The following CCDC25 variants were observed in gnomAD, a reference collection of about 807,000 sequenced individuals.
CCDC25 encodes the protein coiled-coil domain containing 25.
Under a neutral mutation model 35.3 loss-of-function variants are expected in CCDC25, and 16 were observed. That is an observed-to-expected ratio of 0.45 (90% CI 0.31 to 0.69). The LOEUF is 0.69. CCDC25 is among the 30% of genes least tolerant of loss of function. The pLI is 0.06. For synonymous variants in CCDC25, 79 were observed against 80.3 expected, an observed-to-expected ratio of 0.98 and a Z score of 0.09; for missense variants, 179 against 250.7, an observed-to-expected ratio of 0.71 and a Z score of 1.93.
At chr8:27,760,005 A>C (rs1804169064) in intron 3 of CCDC25, among the ~76,000 whole-genome samples, 1 of 152,138 alleles carries the variant, frequency 6.6e-6, no homozygotes, top group Non-Finnish European at 1.5e-5. Flanking sequence ...GAATATGTCC[A>C]AAATTGACAG....
chr8:27,750,868 G>A (rs770106854), intron 5 of CCDC25, among the ~76,000 whole-genome samples: 2 of 152,208 alleles, frequency 1.3e-5, no homozygotes, highest in Non-Finnish European at 2.9e-5. Flanking sequence ...CCTTGGTTCT[G>A]AGCACTGCAG....
chr8:27,757,815 G>C (rs1479856840), intron 3 of CCDC25, among the ~76,000 whole-genome samples: 1 of 152,184 alleles, frequency 6.6e-6, no homozygotes, highest in Non-Finnish European at 1.5e-5. Context: ...AGTGGGGCCT[G>C]GTGGGAGGTG....
intron 5 of CCDC25, 93 bp downstream of exon 5, chr8:27,752,419 G>T: frequency 1.0e-6 from 1 of 958,690 alleles, no homozygotes. Flanking sequence ...TTTGATGGAG[G>T]CCAAAGTCAA....
At chr8:27,772,157 C>T (rs1233646104) in intron 1 of CCDC25, 6 of 380,396 alleles carry the variant, frequency 1.6e-5, no homozygotes, top group African/African-American at 2.1e-5. Flanking sequence ...AGAACAAAGG[C>T]CGCAGATGGA....
intron 4 of CCDC25, among the ~76,000 whole-genome samples, chr8:27,755,728 CT>C (rs1368699670): frequency 6.6e-6 from 1 of 152,204 alleles, no homozygotes; most frequent in Non-Finnish European, 1.5e-5. Flanking sequence ...GGCACTTCAC[CT>C]CTGTGATATT....
intron 7 of CCDC25, among the ~76,000 whole-genome samples, chr8:27,746,152 T>C (rs574620563): frequency 6.6e-6 from 1 of 152,366 alleles, no homozygotes; most frequent in African/African-American, 2.4e-5. Context: ...ACTTGATTGA[T>C]TTATATTGAA....
At position 27,740,531 on chromosome 8, in the gene CCDC25, A is replaced by AAC. The variant is rs773289794; in HGVS notation, c.552-16_552-15dup. 6 of 1,570,744 alleles carry AAC rather than the reference A, an allele frequency of 3.8e-6. No individual in the cohort carries two copies. Among genetic ancestry groups the AAC allele is most frequent in the Admixed American group, 1.7e-5 (1 of 58,798 alleles). On this transcript the variant is annotated splice_polypyrimidine_tract_variant and intron_variant, in intron 7 of 8. Coordinates refer to ENST00000356537, the MANE Select transcript of CCDC25 (RefSeq NM_018246.3). ...GATGAATAGCTCCTAGAAGGAAAAAAACACACACACACATTTAAAATATGG... is the reference window on the plus strand; with the variant it reads ...GATGAATAGCTCCTAGAAGGAAAAAAACACACACACACACATTTAAAATATGG...
chr8:27,763,264 T>C (rs577929324), intron 2 of CCDC25, among the ~76,000 whole-genome samples: 4 of 152,350 alleles, frequency 2.6e-5, no homozygotes, highest in African/African-American at 9.6e-5. Flanking sequence ...GGTATATTTC[T>C]AAAAGCTAAA....
chr8:27,766,431 A>G (rs146283348), intron 1 of CCDC25, among the ~76,000 whole-genome samples: 1 of 152,260 alleles, frequency 6.6e-6, no homozygotes, highest in African/African-American at 2.4e-5. Flanking sequence ...AGAGAAAACT[A>G]ATTCCTTTGT....
At chr8:27,751,495 C>T (rs718422) in intron 5 of CCDC25, among the ~76,000 whole-genome samples, 61,125 of 151,998 alleles carry the variant, frequency 0.4, 12,742 homozygotes, top group East Asian at 0.63. Context: ...GAAGCGCAGT[C>T]GGGGAAAGGG....
intron 4 of CCDC25, among the ~76,000 whole-genome samples, chr8:27,754,906 A>G (rs1803944783): frequency 6.6e-6 from 1 of 152,260 alleles, no homozygotes. Flanking sequence ...AAATGATTAC[A>G]GATATGTGCA....
chr8:27,764,448 T>C (rs937851676), intron 2 of CCDC25: 1 of 381,568 alleles, frequency 2.6e-6, no homozygotes, highest in Non-Finnish European at 5.2e-6. Context: ...TTTTCTTTTA[T>C]TGTTGTTTTT....
intron 8 of CCDC25, among the ~76,000 whole-genome samples, chr8:27,739,124 A>G (rs938372044): frequency 5.9e-5 from 9 of 152,188 alleles, no homozygotes; most frequent in Admixed American, 2.6e-4. Flanking sequence ...TCCCTTGCCC[A>G]AGGGATGTTT....
intron 8 of CCDC25, among the ~76,000 whole-genome samples, chr8:27,740,120 A>C (rs1803384559): frequency 6.8e-6 from 1 of 146,066 alleles, no homozygotes. Flanking sequence ...CTCTACAGTC[A>C]CAGTGATAAA....
At chr8:27,751,339 G>C (rs1803797752) in intron 5 of CCDC25, among the ~76,000 whole-genome samples, 1 of 152,178 alleles carries the variant, frequency 6.6e-6, no homozygotes, top group Non-Finnish European at 1.5e-5. Context: ...AGAAAATTCT[G>C]TTCTCCTCAT....
At chr8:27,741,124 G>C (rs1803421128) in intron 7 of CCDC25, among the ~76,000 whole-genome samples, 1 of 152,174 alleles carries the variant, frequency 6.6e-6, no homozygotes, top group Non-Finnish European at 1.5e-5. Context: ...GCTGGATGTG[G>C]TGCCCAATTA....
chr8:27,736,250 A>G lies in CCDC25; in HGVS notation c.598-5T>C. Reference sequence around the variant, plus strand: ...TTCATCTGAATCATTGCCATCCTGTAGGAAACACAAAAATGAGAACATAAA... The same window carrying G: ...TTCATCTGAATCATTGCCATCCTGTGGGAAACACAAAAATGAGAACATAAA... On this transcript the variant is annotated splice_region_variant and splice_polypyrimidine_tract_variant and intron_variant, in intron 8 of 8. Transcript: ENST00000356537. 1 of 1,600,732 alleles carries G rather than the reference A, an allele frequency of 6.2e-7. No individual in the cohort carries two copies. Among genetic ancestry groups the G allele is most frequent in the Non-Finnish European group, 8.5e-7 (1 of 1,173,442 alleles).
intron 3 of CCDC25, among the ~76,000 whole-genome samples, chr8:27,760,132 C>T (rs748208623): frequency 6.6e-6 from 1 of 152,078 alleles, no homozygotes; most frequent in Non-Finnish European, 1.5e-5. Flanking sequence ...TAAAGGGGGT[C>T]GAAATAGGCC....
At chr8:27,758,580 T>C (rs911175285) in intron 3 of CCDC25, among the ~76,000 whole-genome samples, 1 of 152,228 alleles carries the variant, frequency 6.6e-6, no homozygotes, top group Non-Finnish European at 1.5e-5. Context: ...ACCTGTGCTT[T>C]TTGCAAATCT....
Sources: gnomAD v4.1 joint callset for allele counts (sites outside exome capture counted in the v4.1 genomes callset) on GRCh38, gnomAD v4.1.1 for gene constraint, MANE v1.5 for transcripts, NCBI Gene and HGNC (gene_info 2026-07-23, HGNC 2026-07-21) for gene names.